Variants in ABCA12 observed in about 807,000 individuals in gnomAD.
The protein encoded by ABCA12 is glucosylceramide transporter ABCA12.
ABCA12 carries 156 observed loss-of-function variants against 293.5 expected under a neutral mutation model. That is an observed-to-expected ratio of 0.53 (90% CI 0.47 to 0.61). The LOEUF (loss-of-function observed/expected upper bound fraction) is 0.61, where lower values mean the gene tolerates loss of function less well. ABCA12 is among the 20% of genes least tolerant of loss of function. The pLI is 0.00. For synonymous variants in ABCA12, 1,063 were observed against 1,108.0 expected, an observed-to-expected ratio of 0.96 and a Z score of 0.81; for missense variants, 2,797 against 3,090.2, an observed-to-expected ratio of 0.91 and a Z score of 2.25.
At chr2:215,082,081 G>A (rs7589094) in intron 2 of ABCA12, among the ~76,000 whole-genome samples, 51,518 of 129,188 alleles carry the variant, frequency 0.4, 9,810 homozygotes, top group East Asian at 0.71. Context: ...GTCTTGCTCT[G>A]TTGGCCAGGC....
intron 3 of ABCA12, among the ~76,000 whole-genome samples, chr2:215,055,192 T>A (rs1328100459): frequency 3.3e-5 from 5 of 152,102 alleles, no homozygotes; most frequent in African/African-American, 1.2e-4. Context: ...GTGGTTGATG[T>A]CATCACAGAT....
rs764869446 is a variant in ABCA12, at chr2:215,014,510, T to A, written c.1956+980A>T. Reference sequence around the variant, plus strand: ...GCAGATCATAAGGCCCTTGTAAAATTTGGGGGTTTACTTGAATCAAATGGA... The same window carrying A: ...GCAGATCATAAGGCCCTTGTAAAATATGGGGGTTTACTTGAATCAAATGGA... On this transcript the variant is annotated intron_variant, in intron 15 of 52. Coordinates refer to ENST00000272895, the MANE Select transcript of ABCA12 (RefSeq NM_173076.3). Among the ~76,000 whole-genome samples, 8 of 152,030 alleles carry A rather than the reference T, an allele frequency of 5.3e-5. No individual in the cohort carries two copies. In the East Asian group the frequency reaches 1.4e-3, roughly 26 times the overall value.
intron 9 of ABCA12, among the ~76,000 whole-genome samples, chr2:215,029,803 C>T (rs1700833711): frequency 6.6e-6 from 1 of 152,092 alleles, no homozygotes; most frequent in Non-Finnish European, 1.5e-5. Flanking sequence ...AGAGTGCTTA[C>T]CATAAAAGGT....
chr2:215,081,568 G>A (rs1309237775), intron 2 of ABCA12, among the ~76,000 whole-genome samples: 1 of 151,728 alleles, frequency 6.6e-6, no homozygotes, highest in Middle Eastern at 3.2e-3. Flanking sequence ...TGGGGGAAGG[G>A]ATTTAGATTT....
At position 214,931,983 on chromosome 2, in the gene ABCA12, G is replaced by T. The variant is rs988056388; in HGVS notation, c.*651C>A. 1.3e-5 allele frequency: 2 copies of T among 152,452 alleles called. No homozygotes were observed. The highest frequency in any genetic ancestry group is 2.9e-5 in the Non-Finnish European group (2 of 68,490). The allele number at this position is 152,452 out of a possible 1,614,324, so 9.4% of individuals were successfully genotyped here. A position where few individuals can be genotyped will look rare whatever the true frequency, so the allele number is the denominator to read the frequency against. ...CAAGGCATGGCAGGAGTGAATCTAGGTTCCGTGTACCACCAGGGTAAATTG... is the reference window on the plus strand; with the variant it reads ...CAAGGCATGGCAGGAGTGAATCTAGTTTCCGTGTACCACCAGGGTAAATTG... On this transcript the variant is annotated 3_prime_UTR_variant, in exon 53 of 53. Coordinates refer to ENST00000272895, the MANE Select transcript of ABCA12 (RefSeq NM_173076.3).
intron 28 of ABCA12, 67 bp downstream of exon 28, chr2:214,986,475 A>AT (rs1559131321): frequency 1.9e-5 from 28 of 1,461,126 alleles, no homozygotes; most frequent in South Asian, 3.5e-5. Context: ...AGGTTAGTTT[A>AT]TTTTTTTTAC....
rs137959873 is a variant in ABCA12 at position 215,006,820 on chromosome 2, T to C, written c.2592+907A>G. On this transcript the variant is annotated intron_variant, in intron 19 of 52. Coordinates refer to ENST00000272895, the MANE Select transcript of ABCA12 (RefSeq NM_173076.3). The stretch of plus-strand genomic sequence containing the variant: ...TCTTCAGTTGCCAATATCTCTGTGA[T>C]TGGAACATTTCCCCACATTATTTGC... Among the ~76,000 whole-genome samples, 1,193 of 151,908 alleles carry C rather than the reference T, an allele frequency of 7.9e-3. 18 individuals carry two copies. Among genetic ancestry groups the C allele is most frequent in the African/African-American group, 0.027 (1,110 of 41,400 alleles).
chr2:215,047,016 C>A (rs968776805), intron 6 of ABCA12, among the ~76,000 whole-genome samples: 11 of 152,076 alleles, frequency 7.2e-5, no homozygotes, highest in Admixed American at 3.3e-4. Context: ...TAAGTGGGAG[C>A]TGAACAATGA....
chr2:215,084,179 T>C (rs2948972), intron 2 of ABCA12, among the ~76,000 whole-genome samples: 150,683 of 152,230 alleles, frequency 0.99, 74,588 homozygotes, highest in Middle Eastern at 1. Context: ...GTATAAACCA[T>C]ATCACATGAT....
chr2:215,138,417 A>T lies in ABCA12; in HGVS notation c.-209T>A. ...AATCCTTAACCAAGAGGCACTTCTC[A>T]ATCAACTCTTCTTCCAAAAGAAGGA... On this transcript the variant is annotated 5_prime_UTR_variant, in exon 1 of 53. Coordinates refer to ENST00000272895, the MANE Select transcript of ABCA12 (RefSeq NM_173076.3). The T allele has an allele frequency of 1.2e-5, 7 of 599,516 alleles. No individual in the cohort carries two copies. The highest frequency in any genetic ancestry group is 1.2e-4 in the South Asian group (6 of 52,020). 37.1% of individuals were successfully genotyped at this position (599,516 alleles called of 1,614,324 possible).
chr2:215,012,264 T>C, intron 15 of ABCA12, 129 bp from the exon 16 acceptor site: 1 of 785,934 alleles, frequency 1.3e-6, no homozygotes, highest in East Asian at 2.6e-5. Context: ...TAGTTAAATG[T>C]AAATTTAACA....
chr2:215,075,681 C>T, intron 2 of ABCA12: 1 of 616,036 alleles, frequency 1.6e-6, no homozygotes, highest in South Asian at 1.9e-5. Flanking sequence ...GTTTGGAAAT[C>T]AAAATATAAT....
At chr2:215,076,902 A>G (rs1292685197) in intron 2 of ABCA12, among the ~76,000 whole-genome samples, 4 of 152,242 alleles carry the variant, frequency 2.6e-5, no homozygotes, top group African/African-American at 7.2e-5. Context: ...GATGCTATTT[A>G]CATAACATTT....
chr2:215,026,117 T>G (rs1700739601), intron 10 of ABCA12, among the ~76,000 whole-genome samples: 1 of 152,238 alleles, frequency 6.6e-6, no homozygotes, highest in Non-Finnish European at 1.5e-5. Context: ...AGAATCACTG[T>G]GATATAAATA....
chr2:215,101,179 G>C (rs1440827491), intron 2 of ABCA12, among the ~76,000 whole-genome samples: 1 of 152,204 alleles, frequency 6.6e-6, no homozygotes, highest in African/African-American at 2.4e-5. Flanking sequence ...GCTAACTCAG[G>C]TGAAAGGCAA....
intron 42 of ABCA12, among the ~76,000 whole-genome samples, chr2:214,955,785 C>T (rs1698928298): frequency 6.6e-6 from 1 of 152,116 alleles, no homozygotes. Flanking sequence ...TCTTTCATTC[C>T]TTTTTGACAA....
At position 215,121,618 on chromosome 2, in the gene ABCA12, C is replaced by G. The variant is rs73076514; in HGVS notation, c.70-9928G>C. On this transcript the variant is annotated intron_variant, in intron 1 of 52. Transcript: ENST00000272895. Reference sequence around the variant, plus strand: ...AAATGGCTCGGAGTTCTCAATTAGTCTTTCTGGTTGATATGATTTGGCTGT... The same window carrying G: ...AAATGGCTCGGAGTTCTCAATTAGTGTTTCTGGTTGATATGATTTGGCTGT... Among the ~76,000 whole-genome samples the G allele has an allele frequency of 5.4e-3, 816 of 152,158 alleles. 18 individuals carry two copies. The highest frequency in any genetic ancestry group is 0.019 in the African/African-American group (790 of 41,518).
intron 40 of ABCA12, 33 bp from the exon 41 acceptor site, chr2:214,958,487 A>C (rs372682357): frequency 6.2e-7 from 1 of 1,608,454 alleles, no homozygotes. Context: ...GAAAACACAC[A>C]TAAGTTTTTG....
chr2:215,065,288 A>G (rs1368483265), intron 2 of ABCA12, among the ~76,000 whole-genome samples: 1 of 104,182 alleles, frequency 9.6e-6, no homozygotes, highest in Non-Finnish European at 1.9e-5. Context: ...TAATCTCCGC[A>G]TGAATGTGTA....
Sources: allele counts gnomAD v4.1 joint callset (sites outside exome capture counted in the v4.1 genomes callset), GRCh38; gene constraint gnomAD v4.1.1; transcripts MANE v1.5; gene names NCBI Gene and HGNC (gene_info 2026-07-23, HGNC 2026-07-21).